Variants in SLC6A16 observed in about 807,000 individuals in gnomAD.
SLC6A16 encodes the protein orphan sodium- and chloride-dependent neurotransmitter transporter NTT5.
Under a neutral mutation model 65.4 loss-of-function variants are expected in SLC6A16, and 54 were observed. The observed-to-expected ratio is 0.83, with a 90% CI of 0.66 to 1.04. The LOEUF (loss-of-function observed/expected upper bound fraction) is 1.04. Among genes scored for constraint, SLC6A16 ranks in the 50% least tolerant of loss-of-function variants. SLC6A16 has a pLI of 0.00. For missense variants in SLC6A16, 816 were observed against 914.0 expected, an observed-to-expected ratio of 0.89 and a Z score of 1.38; for synonymous variants, 330 against 346.5, an observed-to-expected ratio of 0.95 and a Z score of 0.53.
intron 7 of SLC6A16, among the ~76,000 whole-genome samples, chr19:49,298,467 A>G (rs1293183557): frequency 6.6e-6 from 1 of 152,256 alleles, no homozygotes; most frequent in African/African-American, 2.4e-5. Context: ...GAAGATATAC[A>G]TGCAGCCAAC....
intron 1 of SLC6A16, among the ~76,000 whole-genome samples, chr19:49,321,709 C>T (rs947894836): frequency 3.7e-4 from 56 of 150,900 alleles, no homozygotes; most frequent in African/African-American, 1.4e-3. Context: ...GCACTCCAGC[C>T]TGGGTGACAG....
In SLC6A16 at chr19:49,322,817, C is replaced by CT. The variant is rs536909742; in HGVS notation, c.-65+2230dup. 4.0e-4 allele frequency among the ~76,000 whole-genome samples: 17 copies of CT among 42,006 alleles called. 8 individuals carry two copies. Among genetic ancestry groups the CT allele is most frequent in the Admixed American group, 7.8e-4 (2 of 2,572 alleles). The allele number at this position is 42,006 out of a possible 152,430, so 27.6% of individuals were successfully genotyped here. ...CCAAAGCAATCTACAGAATTAGTAG[C>CT]TTTTTTTTTTTTTTTTTTTTTTTTT... is the stretch of plus-strand genomic sequence containing the variant. On this transcript the variant is annotated intron_variant, in intron 1 of 11. Coordinates refer to ENST00000335875, the MANE Select transcript of SLC6A16 (RefSeq NM_014037.3).
the SLC6A16 span, chr19:49,337,701 C>T: frequency 1.1e-5 from 17 of 1,532,732 alleles, no homozygotes; most frequent in Non-Finnish European, 1.4e-5. Flanking sequence ...AAAGAGAGAA[C>T]AAGAGAAAGA....
chr19:49,337,551 G>A, the SLC6A16 span: 1 of 1,055,214 alleles, frequency 9.5e-7, no homozygotes, highest in African/African-American at 1.6e-5. Context: ...GAGCCAGGGA[G>A]TTTGAGGCTA....
intron 1 of SLC6A16, among the ~76,000 whole-genome samples, chr19:49,323,484 A>AAT (rs1355107515): frequency 6.6e-6 from 1 of 152,208 alleles, no homozygotes; most frequent in Non-Finnish European, 1.5e-5. Flanking sequence ...TAATATTCAG[A>AAT]ATATATAGAG....
At chr19:49,302,805 C>G (rs1429654171) in intron 7 of SLC6A16, among the ~76,000 whole-genome samples, 1 of 150,736 alleles carries the variant, frequency 6.6e-6, no homozygotes, top group Non-Finnish European at 1.5e-5. Context: ...GAAAAAGAAC[C>G]AAACAAACAT....
chr19:49,309,816 ACATT>A lies in SLC6A16; in HGVS notation c.707_710del (p.Glu236ValfsTer16), dbSNP rs1970475851. The A allele has an allele frequency of 6.2e-7, 1 of 1,609,428 alleles. No individual in the cohort carries two copies. Among genetic ancestry groups the A allele is most frequent in the Non-Finnish European group, 8.5e-7 (1 of 1,176,300 alleles). The stretch of plus-strand genomic sequence containing the variant: ...AGTATATGGAGGGTGTTGTCCGTTC[ACATT>A]CAGGATCTGGGGGGACCTGGCTTTA... On this transcript the variant is annotated frameshift_variant, in exon 5 of 12. Coordinates refer to ENST00000335875, the MANE Select transcript of SLC6A16 (RefSeq NM_014037.3). LOFTEE classifies it high-confidence loss of function.
chr19:49,325,240 G>T (rs1041984785), upstream of SLC6A16: 4 of 984,326 alleles, frequency 4.1e-6, no homozygotes, highest in Non-Finnish European at 4.8e-6. Flanking sequence ...GCGCCGCCGC[G>T]CCCCCTCACT....
intron 1 of SLC6A16, among the ~76,000 whole-genome samples, chr19:49,324,057 C>T (rs992317732): frequency 6.6e-6 from 1 of 151,002 alleles, no homozygotes; most frequent in Non-Finnish European, 1.5e-5. Context: ...AGGCTGGGCA[C>T]GGGGGTTCAC....
At chr19:49,326,701 AT>A (rs762842016), upstream of SLC6A16, among the ~76,000 whole-genome samples, 29 of 152,216 alleles carry the variant, frequency 1.9e-4, no homozygotes, top group East Asian at 5.2e-3. Context: ...ATCTCAAATA[AT>A]TACATGATTA....
the SLC6A16 span, chr19:49,336,005 T>A: frequency 3.4e-6 from 2 of 585,396 alleles, no homozygotes; most frequent in African/African-American, 1.9e-5. Flanking sequence ...CTCAAGCACT[T>A]CCTATCTGTC....
chr19:49,322,817 C>CTT lies in SLC6A16; in HGVS notation c.-65+2229_-65+2230dup, dbSNP rs536909742. On this transcript the variant is annotated intron_variant, in intron 1 of 11. Transcript: ENST00000335875. Reference sequence around the variant, plus strand: ...CCAAAGCAATCTACAGAATTAGTAGCTTTTTTTTTTTTTTTTTTTTTTTTT... The same window carrying CTT: ...CCAAAGCAATCTACAGAATTAGTAGCTTTTTTTTTTTTTTTTTTTTTTTTTTT... Among the ~76,000 whole-genome samples, 7 of 42,004 alleles carry CTT rather than the reference C, an allele frequency of 1.7e-4. 3 individuals carry two copies. Among genetic ancestry groups the CTT allele is most frequent in the Admixed American group, 3.9e-4 (1 of 2,570 alleles). 27.6% of individuals were successfully genotyped at this position (42,004 alleles called of 152,430 possible).
chr19:49,311,243 C>T lies in SLC6A16; in HGVS notation c.105G>A (p.Lys35=). Residue 35 remains lysine, a synonymous_variant, in exon 2 of 12, where the codon AAG becomes AAA. Coordinates refer to ENST00000335875, the MANE Select transcript of SLC6A16 (RefSeq NM_014037.3). ...ATGTTGCAGACCGGGTCAATGAACC[C>T]TTGTCTTCCCACGTTTGACTTCCTG... is the stretch of plus-strand genomic sequence containing the variant. The part of the protein sequence containing the change: ...SVPGSQTWED[K]GSLTRSATSW... The T allele has an allele frequency of 1.2e-6, 2 of 1,614,080 alleles. No homozygotes were observed. Among genetic ancestry groups the T allele is most frequent in the Non-Finnish European group, 1.7e-6 (2 of 1,179,994 alleles).
intron 7 of SLC6A16, among the ~76,000 whole-genome samples, chr19:49,304,170 T>A (rs546250527): frequency 6.6e-6 from 1 of 152,170 alleles, no homozygotes; most frequent in Non-Finnish European, 1.5e-5. Context: ...AAAGAGGAAA[T>A]GTGAACGTTA....
chr19:49,311,017 C>T lies in SLC6A16; in HGVS notation c.331G>A (p.Glu111Lys), dbSNP rs1970508964. Reference sequence around the variant, plus strand: ...AAGCCCACCTGAGCCAGAATATACTCAGTTTTGCTGGACCAGAACGGACGG... The same window carrying T: ...AAGCCCACCTGAGCCAGAATATACTTAGTTTTGCTGGACCAGAACGGACGG... ...LARPFWSSKT[E>K]YILAQVGFSM... is the part of the protein sequence containing the mutation. The change falls in exon 2 of 12, where the codon GAG becomes AAG. Residue 111 changes from glutamate (E) to lysine (K), a missense_variant. Physicochemically the swap from Glu to Lys is moderately conservative, Grantham distance 56. Transcript: ENST00000335875. 1.2e-6 allele frequency: 2 copies of T among 1,614,086 alleles called. No individual in the cohort carries two copies. The highest frequency in any genetic ancestry group is 1.7e-6 in the Non-Finnish European group (2 of 1,180,048).
chr19:49,337,599 A>T, the SLC6A16 span: 2 of 1,430,642 alleles, frequency 1.4e-6, no homozygotes, highest in Non-Finnish European at 1.9e-6. Flanking sequence ...ACAGAGTGAG[A>T]CCCTGTCTCA....
chr19:49,316,524 A>C (rs1280547756), intron 1 of SLC6A16, among the ~76,000 whole-genome samples: 2 of 152,204 alleles, frequency 1.3e-5, no homozygotes, highest in East Asian at 1.9e-4. Context: ...ATTAGAGAAC[A>C]GCAGCTAAAA....
Position 49,290,773 on chromosome 19 carries a change from G to C in SLC6A16, c.1779-6C>G. The C allele has an allele frequency of 6.2e-7, 1 of 1,601,926 alleles. No homozygotes were observed. Among genetic ancestry groups the C allele is most frequent in the South Asian group, 1.1e-5 (1 of 88,860 alleles). ...TCGTCAGGTCTGCAAGGAACCTGGA[G>C]AAGGGCCACCAGAGTGTGGGATGCC... On this transcript the variant is annotated splice_polypyrimidine_tract_variant and splice_region_variant and intron_variant, in intron 10 of 11. Coordinates refer to ENST00000335875, the MANE Select transcript of SLC6A16 (RefSeq NM_014037.3).
the SLC6A16 span, chr19:49,339,702 C>T: frequency 2.1e-6 from 3 of 1,406,036 alleles, no homozygotes; most frequent in Non-Finnish European, 2.8e-6. This position sits in a 1 kb window ranked among gnomAD's most constrained non-coding sequence, Gnocchi z 4.5. Flanking sequence ...GCAGGGCACT[C>T]CGCCGGAAAT....
Sources: allele counts gnomAD v4.1 joint callset (sites outside exome capture counted in the v4.1 genomes callset), GRCh38; gene constraint gnomAD v4.1.1; non-coding constraint Gnocchi (gnomAD v3.1); transcripts MANE v1.5; gene names NCBI Gene and HGNC (gene_info 2026-07-23, HGNC 2026-07-21).